Variants in RBFOX1 observed in about 807,000 individuals in gnomAD.
RBFOX1 encodes RNA binding fox-1 homolog 1.
Under a neutral mutation model 57.7 loss-of-function variants are expected in RBFOX1, and 8 were observed. That is an observed-to-expected ratio of 0.14 (90% CI 0.08 to 0.25). RBFOX1 has a LOEUF of 0.25. Among genes scored for constraint, RBFOX1 ranks in the 10% least tolerant of loss-of-function variants. RBFOX1 has a pLI of 1.00. For missense variants in RBFOX1, 611 were observed against 548.5 expected, an observed-to-expected ratio of 1.11 and a Z score of -1.14; for synonymous variants, 326 against 222.4, an observed-to-expected ratio of 1.47 and a Z score of -4.15.
intron 4 of RBFOX1, among the ~76,000 whole-genome samples, chr16:7,503,795 G>T (rs1475981655): frequency 1.3e-5 from 2 of 152,150 alleles, no homozygotes; most frequent in Admixed American, 1.3e-4. Flanking sequence ...TGCATGGTTT[G>T]ATTTTCTGCT....
chr16:6,803,376 C>A (rs1351356787), intron 3 of RBFOX1, among the ~76,000 whole-genome samples: 1 of 152,144 alleles, frequency 6.6e-6, no homozygotes, highest in South Asian at 2.1e-4. Flanking sequence ...GAAGAACAAT[C>A]TGCAGGCACA....
At chr16:6,586,436 G>C (rs1376950290) in intron 2 of RBFOX1, among the ~76,000 whole-genome samples, 1 of 152,108 alleles carries the variant, frequency 6.6e-6, no homozygotes, top group East Asian at 1.9e-4. Flanking sequence ...ACTTTCTTTT[G>C]TTCTTTCTGT....
At chr16:7,667,849 T>C (rs538059926) in intron 13 of RBFOX1, among the ~76,000 whole-genome samples, 2 of 152,202 alleles carry the variant, frequency 1.3e-5, no homozygotes, top group African/African-American at 4.8e-5. Context: ...AATTTTTGTA[T>C]TTTTAGTAAA....
intron 4 of RBFOX1, among the ~76,000 whole-genome samples, chr16:7,381,770 C>T (rs2097785500): frequency 6.6e-6 from 1 of 152,204 alleles, no homozygotes; most frequent in African/African-American, 2.4e-5. Flanking sequence ...ACTGAATTTA[C>T]TGTTTATATC....
downstream of RBFOX1, among the ~76,000 whole-genome samples, chr16:5,603,763 C>G (rs1340392927): frequency 6.6e-6 from 1 of 152,084 alleles, no homozygotes; most frequent in Non-Finnish European, 1.5e-5. Flanking sequence ...GATCATGTGG[C>G]CACAAGATGG....
rs1157798800 is a variant in RBFOX1 at position 6,780,369 on chromosome 16, A to T, written c.-16+125719A>T. On this transcript the variant is annotated intron_variant, in intron 3 of 15. Coordinates refer to ENST00000550418, the MANE Select transcript of RBFOX1 (RefSeq NM_018723.4). Reference sequence around the variant, plus strand: ...TATATACATATTTATATACATATTTATAGATATATTTATACATATTATATA... The same window carrying T: ...TATATACATATTTATATACATATTTTTAGATATATTTATACATATTATATA... Among the ~76,000 whole-genome samples the T allele has an allele frequency of 8.5e-4, 87 of 101,778 alleles. 1 individual carries two copies. The highest frequency in any genetic ancestry group is 2.0e-3 in the African/African-American group (46 of 22,674). The allele number at this position is 101,778 out of a possible 152,430, so 66.8% of individuals were successfully genotyped here.
chr16:7,133,180 A>G (rs1000536519), intron 4 of RBFOX1, among the ~76,000 whole-genome samples: 29 of 152,184 alleles, frequency 1.9e-4, no homozygotes, highest in African/African-American at 6.8e-4. Flanking sequence ...CAGATTCTCA[A>G]TGTTTTTGAT....
At chr16:7,491,659 C>G (rs984843015) in intron 4 of RBFOX1, among the ~76,000 whole-genome samples, 1 of 152,032 alleles carries the variant, frequency 6.6e-6, no homozygotes, top group Non-Finnish European at 1.5e-5. Context: ...GAAACAGGGT[C>G]TTGCTCTGTC....
intron 7 of RBFOX1, among the ~76,000 whole-genome samples, chr16:7,587,530 C>T (rs995107161): frequency 2.6e-5 from 4 of 151,906 alleles, no homozygotes; most frequent in Admixed American, 6.6e-5. Flanking sequence ...TATCAAGTTT[C>T]CAGAGGAAAA....
intron 3 of RBFOX1, among the ~76,000 whole-genome samples, chr16:5,796,393 A>C (rs2054879293): frequency 6.6e-6 from 1 of 152,224 alleles, no homozygotes; most frequent in Admixed American, 6.5e-5. Flanking sequence ...ATATATCCAC[A>C]GTGATCAAGT....
At chr16:5,713,903 G>A (rs1224101702) in intron 3 of RBFOX1, among the ~76,000 whole-genome samples, 4 of 152,286 alleles carry the variant, frequency 2.6e-5, no homozygotes, top group East Asian at 3.9e-4. Flanking sequence ...GATCATCTAC[G>A]TTGCAATCTT....
Position 7,316,986 on chromosome 16 carries a change from A to AC in RBFOX1, c.28-201161_28-201160insC, listed in dbSNP as rs55728764. On this transcript the variant is annotated intron_variant, in intron 4 of 15. Transcript: ENST00000550418. Reference sequence around the variant, plus strand: ...AGAACACACACACACACACACACACAAACACACACACACACAATAAGAGGG... The same window carrying AC: ...AGAACACACACACACACACACACACACAACACACACACACACAATAAGAGGG... Among the ~76,000 whole-genome samples the AC allele has an allele frequency of 1.5e-3, 220 of 149,056 alleles. 1 individual carries two copies. Among genetic ancestry groups the AC allele is most frequent in the African/African-American group, 4.3e-3 (168 of 39,494 alleles).
intron 3 of RBFOX1, among the ~76,000 whole-genome samples, chr16:6,676,179 C>G (rs927554731): frequency 6.9e-6 from 1 of 145,874 alleles, no homozygotes; most frequent in Non-Finnish European, 1.5e-5. Flanking sequence ...CACACACACA[C>G]ACTTCCCTAG....
chr16:5,384,669 G>T (rs956097794), intron 1 of RBFOX1, among the ~76,000 whole-genome samples: 1 of 152,158 alleles, frequency 6.6e-6, no homozygotes, highest in Non-Finnish European at 1.5e-5. Context: ...GATAGTTTTC[G>T]GAGAAGAGCA....
chr16:7,364,763 C>T (rs1029164516), intron 4 of RBFOX1, among the ~76,000 whole-genome samples: 1 of 152,164 alleles, frequency 6.6e-6, no homozygotes, highest in African/African-American at 2.4e-5. Flanking sequence ...GTTGTGTTCT[C>T]TCTCTAAGGT....
At position 7,591,677 on chromosome 16, in the gene RBFOX1, C is replaced by A. The variant is rs183883076; in HGVS notation, c.469-3872C>A. Among the ~76,000 whole-genome samples the A allele has an allele frequency of 5.4e-4, 82 of 152,228 alleles. 1 individual carries two copies. The highest frequency in any genetic ancestry group is 2.0e-3 in the African/African-American group (81 of 41,532). ...ACTCTGGGAAGGTGTGTCTCTGACT[C>A]CCCTTCTCTGTACCCCTTCTTGCGG... On this transcript the variant is annotated intron_variant, in intron 7 of 15. Transcript: ENST00000550418.
chr16:6,833,084 C>A (rs1341545459), intron 3 of RBFOX1, among the ~76,000 whole-genome samples: 1 of 151,936 alleles, frequency 6.6e-6, no homozygotes. Flanking sequence ...GGTCTTTGAA[C>A]TCACTCCTCT....
At chr16:7,626,840 C>T (rs1385040704) in intron 10 of RBFOX1, among the ~76,000 whole-genome samples, 1 of 152,092 alleles carries the variant, frequency 6.6e-6, no homozygotes, top group African/African-American at 2.4e-5. Flanking sequence ...TATTATAATT[C>T]AATCATATGC....
At chr16:7,384,492 T>C (rs1597088553) in intron 4 of RBFOX1, among the ~76,000 whole-genome samples, 1 of 152,166 alleles carries the variant, frequency 6.6e-6, no homozygotes, top group Non-Finnish European at 1.5e-5. Context: ...ATGCCAAACA[T>C]AGCTGAGTTT....
Sources: gnomAD v4.1 joint callset for allele counts (sites outside exome capture counted in the v4.1 genomes callset) on GRCh38, gnomAD v4.1.1 for gene constraint, MANE v1.5 for transcripts, NCBI Gene and HGNC (gene_info 2026-07-23, HGNC 2026-07-21) for gene names.